The following SKIL variants were observed in gnomAD, a reference collection of about 807,000 sequenced individuals.
SKIL encodes SKI like proto-oncogene.
Under a neutral mutation model 69.6 loss-of-function variants are expected in SKIL, and 20 were observed. The ratio of observed to expected loss-of-function variants is 0.29; its 90% CI spans 0.20 to 0.42. The LOEUF (loss-of-function observed/expected upper bound fraction) is 0.42. Among genes scored for constraint, SKIL ranks in the 10% least tolerant of loss-of-function variants. The probability of loss-of-function intolerance (pLI) is 1.00; values close to 1 mark genes in which losing one functional copy is unlikely to be tolerated. For missense variants in SKIL, 745 were observed against 783.1 expected, an observed-to-expected ratio of 0.95 and a Z score of 0.58; for synonymous variants, 310 against 279.9, an observed-to-expected ratio of 1.11 and a Z score of -1.08.
chr3:170,391,154 A>T lies in SKIL; in HGVS notation c.1790A>T (p.Tyr597Phe). Reference protein sequence around the residue: ...NEHAQRMEEFYVEQKDLEKKL... With the variant: ...NEHAQRMEEFFVEQKDLEKKL... ...CATGCTCAAAGAATGGAAGAATTTT[A>T]TGTTGAACAGAAAGACTTAGAGAAA... is the stretch of plus-strand genomic sequence containing the variant. The change falls in exon 6 of 7, where the codon TAT becomes TTT. Residue 597 changes from tyrosine (Y) to phenylalanine (F), a missense_variant. By Grantham distance (22) the Tyr-to-Phe change is conservative. Coordinates refer to ENST00000259119, the MANE Select transcript of SKIL (RefSeq NM_005414.5). 1.2e-6 allele frequency: 2 copies of T among 1,610,780 alleles called. No individual in the cohort carries two copies. The highest frequency in any genetic ancestry group is 8.5e-7 in the Non-Finnish European group (1 of 1,177,034).
chr3:170,369,196 A>G (rs1421106793), intron 2 of SKIL, among the ~76,000 whole-genome samples: 1 of 149,976 alleles, frequency 6.7e-6, no homozygotes, highest in African/African-American at 2.5e-5. Context: ...TAGAATTGTT[A>G]GCATATGATT....
chr3:170,391,537 T>C (rs939968177), intron 6 of SKIL, among the ~76,000 whole-genome samples: 9 of 152,048 alleles, frequency 5.9e-5, no homozygotes, highest in African/African-American at 1.9e-4. Flanking sequence ...GTCAGTCTGG[T>C]CTTGAACTCC....
At chr3:170,382,854 G>A (rs964160920) in intron 3 of SKIL, among the ~76,000 whole-genome samples, 4 of 151,550 alleles carry the variant, frequency 2.6e-5, no homozygotes, top group Admixed American at 2.0e-4. Flanking sequence ...GAGTAGCTGG[G>A]ATTACAGGCA....
chr3:170,374,873 T>C (rs1210978210), intron 2 of SKIL, among the ~76,000 whole-genome samples: 1 of 152,180 alleles, frequency 6.6e-6, no homozygotes, highest in South Asian at 2.1e-4. Flanking sequence ...TTAGAAACTG[T>C]TGGGCTTCCT....
intron 2 of SKIL, among the ~76,000 whole-genome samples, chr3:170,378,405 T>C (rs973572372): frequency 6.6e-6 from 1 of 152,210 alleles, no homozygotes; most frequent in African/African-American, 2.4e-5. Flanking sequence ...TAGAGTTGAT[T>C]TTGTTTTAAT....
At chr3:170,379,455 C>T (rs1292040223) in intron 2 of SKIL, among the ~76,000 whole-genome samples, 1 of 145,550 alleles carries the variant, frequency 6.9e-6, no homozygotes, top group Non-Finnish European at 1.5e-5. Flanking sequence ...CCTTCTTTCC[C>T]CTTTCCCTTA....
At chr3:170,390,018 A>T (rs931068424) in intron 4 of SKIL, among the ~76,000 whole-genome samples, 1 of 152,192 alleles carries the variant, frequency 6.6e-6, no homozygotes, top group Non-Finnish European at 1.5e-5. Context: ...ATGTCTTTCC[A>T]TGTATTTAGG....
chr3:170,373,101 A>T (rs1736867509), intron 2 of SKIL, among the ~76,000 whole-genome samples: 3 of 147,718 alleles, frequency 2.0e-5, no homozygotes, highest in Non-Finnish European at 4.4e-5. Flanking sequence ...GGTTCAAGCG[A>T]TTCTCTTGTT....
chr3:170,363,262 A>G (rs765868013), intron 2 of SKIL, among the ~76,000 whole-genome samples: 28 of 152,338 alleles, frequency 1.8e-4, no homozygotes, highest in Admixed American at 3.3e-4. Context: ...AGCTTGGACT[A>G]GTCCTTAAGA....
At chr3:170,381,473 C>T in intron 3 of SKIL, 132 bp downstream of exon 3, 1 of 581,920 alleles carries the variant, frequency 1.7e-6, no homozygotes, top group South Asian at 1.9e-5. Context: ...TGCTCTGTTA[C>T]CCAGGCTGGA....
At chr3:170,379,879 G>A (rs1197467222) in intron 2 of SKIL, among the ~76,000 whole-genome samples, 3 of 152,116 alleles carry the variant, frequency 2.0e-5, no homozygotes, top group African/African-American at 7.2e-5. Context: ...CCTGACCTCA[G>A]GTGATCCACC....
rs376249295 is a variant in SKIL at position 170,361,260 on chromosome 3, C to T, written c.929C>T (p.Ser310Leu). The T allele has an allele frequency of 7.4e-6, 12 of 1,614,042 alleles. 1 individual carries two copies. The highest frequency in any genetic ancestry group is 3.3e-4 in the Middle Eastern group (2 of 6,082). Residue 310 changes from serine (S) to leucine (L), a missense_variant, in exon 2 of 7, where the codon TCA (serine) becomes TTA (leucine). Transcript: ENST00000259119. ...ACGTTTGTGATGCATTCTCACAGATCACCTGACAAAAGAACTTGCCACTGG... is the reference window on the plus strand; with the variant it reads ...ACGTTTGTGATGCATTCTCACAGATTACCTGACAAAAGAACTTGCCACTGG... ...PQTFVMHSHR[S>L]PDKRTCHWGF... is the part of the protein sequence containing the mutation.
At position 170,359,938 on chromosome 3, in the gene SKIL, A is replaced by C. The variant is rs1736136923; in HGVS notation, c.-394A>C. The C allele has an allele frequency of 6.3e-6, 1 of 157,602 alleles. No individual in the cohort carries two copies. The allele number at this position is 157,602 out of a possible 1,614,324, so 9.8% of individuals were successfully genotyped here. On this transcript the variant is annotated 5_prime_UTR_variant, in exon 2 of 7. Transcript: ENST00000259119. ...GTTTGAGTCTAGATTTTATGGCACA[A>C]GGAATGGCATAAACTTTTCATGTGT...
chr3:170,390,302 A>C lies in SKIL; in HGVS notation c.1509A>C (p.Lys503Asn). 6.2e-7 allele frequency: 1 copy of C among 1,613,970 alleles called. No individual in the cohort carries two copies. Among genetic ancestry groups the C allele is most frequent in the Non-Finnish European group, 8.5e-7 (1 of 1,179,816 alleles). ...ATCNLVRDIN[K>N]VGIGLVAAAS... Reference sequence around the variant, plus strand: ...GCAACTTAGTCAGAGACATAAACAAAGTGGGAATTGGCCTTGTTGCTGCCG... The same window carrying C: ...GCAACTTAGTCAGAGACATAAACAACGTGGGAATTGGCCTTGTTGCTGCCG... The change falls in exon 5 of 7, where the codon AAA (lysine) becomes AAC (asparagine). Residue 503 changes from lysine (K) to asparagine (N), a missense_variant. Lys to Asn is a moderately conservative substitution (Grantham distance 94). Coordinates refer to ENST00000259119, the MANE Select transcript of SKIL (RefSeq NM_005414.5).
intron 1 of SKIL, among the ~76,000 whole-genome samples, chr3:170,359,004 T>C (rs1736080979): frequency 6.6e-6 from 1 of 152,198 alleles, no homozygotes; most frequent in Admixed American, 6.5e-5. Flanking sequence ...TTAACTCCTA[T>C]CTGATTTTTT....
At chr3:170,369,487 C>T (rs529516996) in intron 2 of SKIL, among the ~76,000 whole-genome samples, 7 of 152,216 alleles carry the variant, frequency 4.6e-5, no homozygotes, top group South Asian at 4.1e-4. Context: ...CTGCAACCTC[C>T]GCCTCCTGGG....
intron 4 of SKIL, among the ~76,000 whole-genome samples, chr3:170,389,487 G>T (rs1463101763): frequency 6.6e-6 from 1 of 151,632 alleles, no homozygotes; most frequent in African/African-American, 2.4e-5. Context: ...CAAATTTTTT[G>T]TATTTTTTAG....
At chr3:170,378,266 T>G (rs1290761215) in intron 2 of SKIL, among the ~76,000 whole-genome samples, 2 of 152,240 alleles carry the variant, frequency 1.3e-5, no homozygotes, top group Non-Finnish European at 2.9e-5. Flanking sequence ...AAGAGCGGTT[T>G]CCTTTCTGTT....
intron 4 of SKIL, 28 bp from the exon 5 acceptor site, chr3:170,390,195 T>C (rs1737840436): frequency 1.3e-6 from 2 of 1,543,932 alleles, no homozygotes. Context: ...ATATTCATAC[T>C]TTGTTACTTG....
Sources: gnomAD v4.1 joint callset for allele counts (sites outside exome capture counted in the v4.1 genomes callset) on GRCh38, gnomAD v4.1.1 for gene constraint, MANE v1.5 for transcripts, NCBI Gene and HGNC (gene_info 2026-07-23, HGNC 2026-07-21) for gene names.